Variants in TNIP3 observed in about 807,000 individuals in gnomAD.
TNIP3 encodes the protein TNFAIP3-interacting protein 3.
Under a neutral mutation model 54.1 loss-of-function variants are expected in TNIP3, and 34 were observed. The observed-to-expected ratio is 0.63, with a 90% CI of 0.48 to 0.84. The LOEUF (loss-of-function observed/expected upper bound fraction) is 0.84. Ranked by LOEUF, TNIP3 falls within the 40% of genes least tolerant of loss-of-function variation. The probability of loss-of-function intolerance (pLI) is 0.00; values close to 1 mark genes in which losing one functional copy is unlikely to be tolerated. For missense variants in TNIP3, 366 were observed against 387.6 expected (o/e 0.94, Z 0.47); for synonymous variants, 134 against 136.8 (o/e 0.98, Z 0.14).
At position 121,203,175 on chromosome 4, in the gene TNIP3, C is replaced by T. The variant is rs1725985890; in HGVS notation, c.68+13240G>A. On this transcript the variant is annotated intron_variant, in intron 2 of 12. Coordinates refer to the TNIP3 transcript ENST00000507879. The stretch of plus-strand genomic sequence containing the variant: ...ACAACTGCAAAAATATGAAACCAGC[C>T]CAAATGCCCATCAATCAATGAGTGG... Among the ~76,000 whole-genome samples, 2 of 151,448 alleles carry T rather than the reference C, an allele frequency of 1.3e-5. 1 individual carries two copies. Among genetic ancestry groups the T allele is most frequent in the South Asian group, 4.2e-4 (2 of 4,788 alleles).
At chr4:121,178,926 A>C (rs1724521429) in intron 3 of TNIP3, among the ~76,000 whole-genome samples, 1 of 152,228 alleles carries the variant, frequency 6.6e-6, no homozygotes, top group Non-Finnish European at 1.5e-5. Context: ...ATAAGTGATC[A>C]TAAAAACAAA....
intron 4 of TNIP3, among the ~76,000 whole-genome samples, chr4:121,155,268 G>T (rs1466122026): frequency 6.6e-6 from 1 of 151,956 alleles, no homozygotes; most frequent in East Asian, 1.9e-4. Context: ...CAGACAAATG[G>T]GTCTGCAGGA....
chr4:121,196,234 T>C (rs1051610757), intron 2 of TNIP3, among the ~76,000 whole-genome samples: 1 of 152,216 alleles, frequency 6.6e-6, no homozygotes, highest in Admixed American at 6.5e-5. Flanking sequence ...TACAATACTT[T>C]CTTTTTATAG....
Position 121,164,142 on chromosome 4 carries a change from G to A in TNIP3, c.-17C>T, listed in dbSNP as rs1475007256. On this transcript the variant is annotated 5_prime_UTR_variant, in exon 1 of 11. Transcript: ENST00000057513. ...ATGTGCCATGGAAGCTGTTTTTCCTGGAGTCTTGGAAAGCAGAAAGAAAAA... is the reference window on the plus strand; with the variant it reads ...ATGTGCCATGGAAGCTGTTTTTCCTAGAGTCTTGGAAAGCAGAAAGAAAAA... The A allele has an allele frequency of 6.2e-7, 1 of 1,613,500 alleles. No individual in the cohort carries two copies. Among genetic ancestry groups the A allele is most frequent in the South Asian group, 1.1e-5 (1 of 91,052 alleles).
intron 10 of TNIP3, chr4:121,137,971 G>A (rs1009972058): frequency 4.4e-6 from 2 of 455,978 alleles, no homozygotes; most frequent in African/African-American, 2.0e-5. Context: ...CTTCTGGGTG[G>A]CCTCACAAGA....
At chr4:121,157,015 T>C in intron 4 of TNIP3, 79 bp downstream of exon 4, 4 of 1,576,044 alleles carry the variant, frequency 2.5e-6, no homozygotes, top group Non-Finnish European at 2.6e-6. Context: ...AATAAAACGG[T>C]AGGTTTTCTA....
chr4:121,166,570 A>G (rs1730777825), upstream of TNIP3, among the ~76,000 whole-genome samples: 2 of 152,236 alleles, frequency 1.3e-5, no homozygotes, highest in African/African-American at 4.8e-5. Context: ...TGAAGTCACT[A>G]AAATATTATA....
At chr4:121,166,190 C>A (rs1437583999), upstream of TNIP3, among the ~76,000 whole-genome samples, 2 of 152,160 alleles carry the variant, frequency 1.3e-5, no homozygotes, top group Non-Finnish European at 2.9e-5. Flanking sequence ...AAATTCTATA[C>A]CTTTGCTTCT....
chr4:121,144,177 A>G (rs1007019900), intron 7 of TNIP3, among the ~76,000 whole-genome samples: 1 of 152,172 alleles, frequency 6.6e-6, no homozygotes, highest in African/African-American at 2.4e-5. Flanking sequence ...ATTGTGAGTT[A>G]TTTACTAGCA....
intron 2 of TNIP3, chr4:121,192,796 T>A (rs192005927): frequency 3.7e-4 from 57 of 152,332 alleles, no homozygotes; most frequent in South Asian, 8.3e-4. Context: ...AAACTTTTTT[T>A]AAAAATATGT....
Position 121,176,363 on chromosome 4 carries a change from A to G in TNIP3, c.189+6313T>C, listed in dbSNP as rs114370444. On this transcript the variant is annotated intron_variant, in intron 3 of 12. Coordinates refer to the TNIP3 transcript ENST00000507879. ...TAAACAGATCCTCACACAACAATGC[A>G]ACTTTTTTTTTTCTAGCAGAAAAAA... is the stretch of plus-strand genomic sequence containing the variant. Among the ~76,000 whole-genome samples the G allele has an allele frequency of 8.1e-3, 1,228 of 152,080 alleles. 14 individuals are homozygous for G. The highest frequency in any genetic ancestry group is 0.029 in the African/African-American group (1,187 of 41,374).
upstream of TNIP3, among the ~76,000 whole-genome samples, chr4:121,168,675 T>G (rs984288423): frequency 1.1e-4 from 17 of 152,208 alleles, no homozygotes; most frequent in Admixed American, 3.3e-4. Flanking sequence ...CAACCACATC[T>G]GGCTATTTTT....
intron 3 of TNIP3, among the ~76,000 whole-genome samples, chr4:121,170,062 C>G (rs1317353186): frequency 3.3e-5 from 5 of 152,210 alleles, no homozygotes; most frequent in Admixed American, 6.5e-5. Context: ...CCTTGACCAT[C>G]AGTTCCTCTG....
At chr4:121,137,047 A>G (rs765507612) in intron 10 of TNIP3, among the ~76,000 whole-genome samples, 2 of 152,112 alleles carry the variant, frequency 1.3e-5, no homozygotes, top group Non-Finnish European at 2.9e-5. Context: ...TATTCTATTT[A>G]GTTTCTGAAT....
chr4:121,160,117 G>C (rs377765158), intron 2 of TNIP3, among the ~76,000 whole-genome samples: 4 of 152,106 alleles, frequency 2.6e-5, no homozygotes, highest in African/African-American at 9.7e-5. Flanking sequence ...TATTCTTCAA[G>C]TATCAAAGAA....
chr4:121,132,572 A>G lies in TNIP3; in HGVS notation c.*59T>C, dbSNP rs1233265089. 6.0e-6 allele frequency: 9 copies of G among 1,506,060 alleles called. No individual in the cohort carries two copies. Among genetic ancestry groups the G allele is most frequent in the Non-Finnish European group, 7.4e-6 (8 of 1,083,880 alleles). The allele number at this position is 1,506,060 out of a possible 1,614,324, so 93.3% of individuals were successfully genotyped here. On this transcript the variant is annotated 3_prime_UTR_variant, in exon 11 of 11. Transcript: ENST00000057513. ...AAACAAGCCTCAGTATAAACAAAGAAGAGGGTCCTCAGCCACGCTCCCTCG... is the reference window on the plus strand; with the variant it reads ...AAACAAGCCTCAGTATAAACAAAGAGGAGGGTCCTCAGCCACGCTCCCTCG...
intron 7 of TNIP3, among the ~76,000 whole-genome samples, chr4:121,144,426 G>A (rs1196284403): frequency 6.6e-6 from 1 of 152,034 alleles, no homozygotes; most frequent in African/African-American, 2.4e-5. Flanking sequence ...TTTTGAGACA[G>A]AATCCCACTC....
upstream of TNIP3, among the ~76,000 whole-genome samples, chr4:121,221,599 A>AC (rs1727027231): frequency 6.6e-6 from 1 of 152,182 alleles, no homozygotes; most frequent in African/African-American, 2.4e-5. Flanking sequence ...GTACTTAAGG[A>AC]CCTTTGATTA....
chr4:121,141,222 G>A (rs911225221), intron 9 of TNIP3, among the ~76,000 whole-genome samples: 1 of 152,150 alleles, frequency 6.6e-6, no homozygotes, highest in African/African-American at 2.4e-5. Flanking sequence ...GAAAAAAAGG[G>A]TGCTTTGGGC....
Sources: allele counts gnomAD v4.1 joint callset (sites outside exome capture counted in the v4.1 genomes callset), GRCh38; gene constraint gnomAD v4.1.1; transcripts MANE v1.5; gene names NCBI Gene and HGNC (gene_info 2026-07-23, HGNC 2026-07-21).